The following ESRRG variants were observed in gnomAD, a reference collection of about 807,000 sequenced individuals.
The protein encoded by ESRRG is estrogen related receptor gamma, also known as estrogen-related receptor gamma.
In ESRRG, 13 loss-of-function variants were observed where a neutral mutation model predicts 44.0. That is an observed-to-expected ratio of 0.30 (90% confidence interval 0.19 to 0.47). The LOEUF is 0.47. Among genes scored for constraint, ESRRG ranks in the 20% least tolerant of loss-of-function variants. The pLI is 1.00. For missense variants in ESRRG, 395 were observed against 580.6 expected (o/e 0.68, Z 3.29); for synonymous variants, 215 against 214.6 (o/e 1.00, Z -0.02).
chr1:216,891,427 T>TGGGGACGTGCATATGC (rs1560005110), intron 2 of ESRRG, among the ~76,000 whole-genome samples: 1 of 152,248 alleles, frequency 6.6e-6, no homozygotes, highest in Non-Finnish European at 1.5e-5. Flanking sequence ...TACACATGCA[T>TGGGGACGTGCATATGC]GGGGACGTGC....
At chr1:217,086,785 A>G (rs920302623) in intron 1 of ESRRG, among the ~76,000 whole-genome samples, 1 of 152,204 alleles carries the variant, frequency 6.6e-6, no homozygotes, top group Non-Finnish European at 1.5e-5. Context: ...ATATTATATC[A>G]CAAATCCCCT....
upstream of ESRRG, among the ~76,000 whole-genome samples, chr1:216,725,325 T>C (rs921991562): frequency 6.6e-6 from 1 of 152,180 alleles, no homozygotes; most frequent in African/African-American, 2.4e-5. Context: ...AGCATTATGC[T>C]GTCTATATTG....
chr1:216,941,602 TG>T (rs1393374492), intron 1 of ESRRG, among the ~76,000 whole-genome samples: 2 of 152,150 alleles, frequency 1.3e-5, no homozygotes, highest in African/African-American at 4.8e-5. Context: ...GGTGGGGCAT[TG>T]GAAGGGTGTG....
chr1:216,582,714 C>T (rs1044338462), intron 3 of ESRRG, among the ~76,000 whole-genome samples: 5 of 152,162 alleles, frequency 3.3e-5, no homozygotes, highest in African/African-American at 1.2e-4. Flanking sequence ...TCAGATTACA[C>T]CAAGTTCATC....
At chr1:217,051,861 C>T (rs781369088) in intron 1 of ESRRG, among the ~76,000 whole-genome samples, 4 of 152,162 alleles carry the variant, frequency 2.6e-5, no homozygotes, top group Non-Finnish European at 5.9e-5. Context: ...CTCCTGGGCT[C>T]AAGCAATCCT....
At chr1:216,670,055 A>G (rs775970152) in intron 2 of ESRRG, among the ~76,000 whole-genome samples, 3 of 152,246 alleles carry the variant, frequency 2.0e-5, no homozygotes, top group Non-Finnish European at 2.9e-5. Flanking sequence ...ATAACATATT[A>G]GAGTTTTAAA....
At chr1:216,726,477 G>A (rs184208744), upstream of ESRRG, among the ~76,000 whole-genome samples, 2 of 152,146 alleles carry the variant, frequency 1.3e-5, no homozygotes, top group Admixed American at 1.3e-4. Flanking sequence ...AAATAAATGT[G>A]CCATGAGTAA....
At chr1:217,098,004 A>C (rs2092449224) in intron 1 of ESRRG, among the ~76,000 whole-genome samples, 1 of 152,214 alleles carries the variant, frequency 6.6e-6, no homozygotes, top group Admixed American at 6.5e-5. Context: ...ACCAGGCAAT[A>C]GTATTGCTTT....
chr1:216,873,008 T>G (rs1042952939), intron 2 of ESRRG, among the ~76,000 whole-genome samples: 3 of 152,180 alleles, frequency 2.0e-5, no homozygotes, highest in African/African-American at 4.8e-5. Context: ...GACCTTCTCA[T>G]GGCTATGGTT....
chr1:216,733,864 C>T (rs2089346673), intron 2 of ESRRG, among the ~76,000 whole-genome samples: 1 of 151,750 alleles, frequency 6.6e-6, no homozygotes, highest in Admixed American at 6.6e-5. Flanking sequence ...GTGGTGGGTG[C>T]CTGTAATCTT....
chr1:216,844,782 T>C (rs375340629), intron 2 of ESRRG, among the ~76,000 whole-genome samples: 1 of 148,842 alleles, frequency 6.7e-6, no homozygotes, highest in Non-Finnish European at 1.5e-5. Context: ...TGTGTGTGTG[T>C]GGTGTGCACA....
intron 3 of ESRRG, among the ~76,000 whole-genome samples, chr1:216,644,798 C>G (rs542157869): frequency 6.6e-6 from 1 of 152,126 alleles, no homozygotes; most frequent in Non-Finnish European, 1.5e-5. Flanking sequence ...CAATAAAACA[C>G]ATAACTATCT....
chr1:216,765,712 G>A (rs1322734397), intron 2 of ESRRG, among the ~76,000 whole-genome samples: 1 of 152,058 alleles, frequency 6.6e-6, no homozygotes, highest in Admixed American at 6.6e-5. Flanking sequence ...AGACACTAAG[G>A]GATCTGGAGA....
intron 2 of ESRRG, among the ~76,000 whole-genome samples, chr1:216,844,158 C>T (rs761049376): frequency 7.3e-5 from 11 of 151,210 alleles, no homozygotes; most frequent in Admixed American, 1.3e-4. Context: ...ATTATGAACA[C>T]GGAGGATAGC....
At chr1:216,983,910 C>G (rs1331197309) in intron 1 of ESRRG, among the ~76,000 whole-genome samples, 1 of 152,072 alleles carries the variant, frequency 6.6e-6, no homozygotes, top group Non-Finnish European at 1.5e-5. Context: ...AAATGGATAT[C>G]TCCTCCATTT....
chr1:216,669,843 A>T (rs922681570), intron 2 of ESRRG, among the ~76,000 whole-genome samples: 3 of 152,146 alleles, frequency 2.0e-5, no homozygotes, highest in Non-Finnish European at 4.4e-5. Context: ...CCAAGATGGC[A>T]CCACTGCACT....
intron 1 of ESRRG, among the ~76,000 whole-genome samples, chr1:216,716,813 G>C (rs1407865854): frequency 6.6e-6 from 1 of 151,762 alleles, no homozygotes; most frequent in African/African-American, 2.4e-5. Context: ...TATATTGTTT[G>C]AAAGAATTCC....
At chr1:217,025,683 C>CTTTAT (rs2081075612) in intron 1 of ESRRG, among the ~76,000 whole-genome samples, 1 of 152,202 alleles carries the variant, frequency 6.6e-6, no homozygotes, top group South Asian at 2.1e-4. Flanking sequence ...GGTCCAAACA[C>CTTTAT]AGCCCCTATC....
intron 2 of ESRRG, among the ~76,000 whole-genome samples, chr1:216,911,322 G>A (rs1480696664): frequency 6.6e-6 from 1 of 152,144 alleles, no homozygotes. Context: ...GCCATGAAAA[G>A]ACATGGAGGA....
Sources: gnomAD v4.1 joint callset for allele counts (sites outside exome capture counted in the v4.1 genomes callset) on GRCh38, gnomAD v4.1.1 for gene constraint, MANE v1.5 for transcripts, NCBI Gene and HGNC (gene_info 2026-07-23, HGNC 2026-07-21) for gene names.